Variants in MKNK1 observed in about 807,000 individuals in gnomAD.
MKNK1 encodes MAPK interacting serine/threonine kinase 1.
MKNK1 carries 30 observed loss-of-function variants against 49.3 expected under a neutral mutation model. That is an observed-to-expected ratio of 0.61 (90% CI 0.46 to 0.83). The LOEUF (loss-of-function observed/expected upper bound fraction) is 0.83, where lower values mean the gene tolerates loss of function less well. MKNK1 is among the 40% of genes least tolerant of loss of function. The pLI is 0.00. For missense variants in MKNK1, 423 were observed against 524.7 expected, an observed-to-expected ratio of 0.81 and a Z score of 1.89; for synonymous variants, 176 against 201.7, an observed-to-expected ratio of 0.87 and a Z score of 1.08.
At chr1:46,599,724 C>G (rs939263013) in intron 1 of MKNK1, among the ~76,000 whole-genome samples, 1 of 152,202 alleles carries the variant, frequency 6.6e-6, no homozygotes, top group Non-Finnish European at 1.5e-5. Context: ...AGTTTTGAAC[C>G]AAGCTGTGCC....
At chr1:46,581,147 G>A (rs1671673226) in intron 3 of MKNK1, among the ~76,000 whole-genome samples, 1 of 151,898 alleles carries the variant, frequency 6.6e-6, no homozygotes, top group South Asian at 2.1e-4. Context: ...GAATAAACCA[G>A]GCATTGGTAA....
chr1:46,590,136 C>T (rs961770320), intron 2 of MKNK1, among the ~76,000 whole-genome samples: 8 of 152,142 alleles, frequency 5.3e-5, no homozygotes, highest in Non-Finnish European at 8.8e-5. Flanking sequence ...GCTGCCTTCT[C>T]GGGCATCAGC....
chr1:46,601,353 G>A (rs773679550), intron 1 of MKNK1, among the ~76,000 whole-genome samples: 218 of 152,344 alleles, frequency 1.4e-3, no homozygotes, highest in Non-Finnish European at 2.6e-3. Context: ...TCTTCCACAT[G>A]CTGAGGCTGT....
chr1:46,588,666 G>C (rs1199520453), intron 2 of MKNK1, among the ~76,000 whole-genome samples: 1 of 152,136 alleles, frequency 6.6e-6, no homozygotes, highest in East Asian at 1.9e-4. Context: ...AATTAGCCGG[G>C]CGAGGTGGCG....
chr1:46,561,943 G>C (rs1668057760), intron 10 of MKNK1, among the ~76,000 whole-genome samples: 1 of 152,182 alleles, frequency 6.6e-6, no homozygotes, highest in Non-Finnish European at 1.5e-5. Context: ...AGGACTCTCT[G>C]TGAACCTCTC....
chr1:46,579,838 C>T (rs1671485843), intron 4 of MKNK1, among the ~76,000 whole-genome samples: 1 of 152,194 alleles, frequency 6.6e-6, no homozygotes, highest in Non-Finnish European at 1.5e-5. Context: ...AGCCACTTCT[C>T]CTGCCCCAAA....
intron 1 of MKNK1, among the ~76,000 whole-genome samples, chr1:46,598,344 C>T (rs973283525): frequency 9.2e-5 from 14 of 152,066 alleles, no homozygotes; most frequent in African/African-American, 3.4e-4. Context: ...TTCTAACGAG[C>T]CACTGATTTT....
chr1:46,581,439 G>A (rs571140030), intron 3 of MKNK1, among the ~76,000 whole-genome samples: 1 of 149,130 alleles, frequency 6.7e-6, no homozygotes, highest in South Asian at 2.1e-4. Context: ...GAACCCGAGA[G>A]GCGGAGGTTG....
chr1:46,598,461 A>G (rs1674349041), intron 1 of MKNK1, among the ~76,000 whole-genome samples: 1 of 152,188 alleles, frequency 6.6e-6, no homozygotes, highest in South Asian at 2.1e-4. Context: ...GGAAAGAAAG[A>G]GAAGGTAACA....
intron 3 of MKNK1, 48 bp from the exon 4 acceptor site, chr1:46,580,675 G>T: frequency 7.3e-7 from 1 of 1,363,304 alleles, no homozygotes; most frequent in Non-Finnish European, 1.1e-6. Context: ...TCACCCTACT[G>T]CAAGCTCAGA....
chr1:46,564,466 G>GTTTTTTTTTTTTTTTTTTT lies in MKNK1; in HGVS notation c.609+556_609+574dup, dbSNP rs568296534. Among the ~76,000 whole-genome samples the GTTTTTTTTTTTTTTTTTTT allele has an allele frequency of 2.9e-4, 20 of 70,168 alleles. 2 individuals are homozygous for GTTTTTTTTTTTTTTTTTTT. The highest frequency in any genetic ancestry group is 7.5e-4 in the African/African-American group (11 of 14,666). 46.0% of individuals were successfully genotyped at this position (70,168 alleles called of 152,430 possible). ...GGGCTCAGCCTGTGTTTTTTTTATT[G>GTTTTTTTTTTTTTTTTTTT]TTTTTTTTTTTTTTTTTTTTTTTTT... On this transcript the variant is annotated intron_variant, in intron 9 of 12. Transcript: ENST00000371945.
At chr1:46,568,324 A>G (rs1669456951) in intron 8 of MKNK1, 119 bp downstream of exon 8, 1 of 877,766 alleles carries the variant, frequency 1.1e-6, no homozygotes, top group African/African-American at 1.7e-5. Context: ...CACATGTCCA[A>G]GACGATCAGT....
At chr1:46,585,793 G>A (rs1672471933) in intron 2 of MKNK1, 1 of 717,932 alleles carries the variant, frequency 1.4e-6, no homozygotes, top group South Asian at 1.3e-5. Flanking sequence ...GGAGCCGCTT[G>A]CACGAGAAGC....
At chr1:46,581,080 T>G (rs1671662885) in intron 3 of MKNK1, among the ~76,000 whole-genome samples, 1 of 151,644 alleles carries the variant, frequency 6.6e-6, no homozygotes, top group Admixed American at 6.6e-5. Context: ...GCATGATCCC[T>G]CTCCTCTAAG....
intron 10 of MKNK1, among the ~76,000 whole-genome samples, chr1:46,562,134 G>T (rs182921727): frequency 1.1e-4 from 16 of 152,202 alleles, no homozygotes; most frequent in Non-Finnish European, 2.1e-4. Flanking sequence ...GGTGGCTCAC[G>T]CCTGTAATCC....
At chr1:46,563,768 A>G (rs1004352819) in intron 9 of MKNK1, among the ~76,000 whole-genome samples, 9 of 152,212 alleles carry the variant, frequency 5.9e-5, no homozygotes, top group Non-Finnish European at 1.5e-5. Flanking sequence ...ATTAGGGGCC[A>G]GGCGTGGTGG....
intron 3 of MKNK1, chr1:46,582,775 A>C: frequency 2.3e-6 from 1 of 438,664 alleles, no homozygotes; most frequent in South Asian, 1.6e-5. Context: ...CACACACAGC[A>C]TAAGTAGCTA....
intron 2 of MKNK1, among the ~76,000 whole-genome samples, chr1:46,593,238 A>G (rs1200307171): frequency 6.6e-6 from 1 of 152,188 alleles, no homozygotes; most frequent in Non-Finnish European, 1.5e-5. Context: ...TCGCTCTGTC[A>G]TCCAGGCTGG....
In MKNK1 at chr1:46,562,657, C is replaced by A; in HGVS notation, c.796G>T (p.Val266Leu). 1 of 1,552,952 alleles carries A rather than the reference C, an allele frequency of 6.4e-7. No individual in the cohort carries two copies. ...CCTGGGGCCGCACTCACCTGGCACA[C>A]CCTGCAGACCTCGCCCCGGTCCCAG... ...CGWDRGEVCR[V>L]CQNKLFESIQ... The change falls in exon 10 of 13, where the codon GTG (valine) becomes TTG (leucine). Residue 266 changes from valine to leucine, a missense_variant. Physicochemically the swap from Val to Leu is conservative, Grantham distance 32. Coordinates refer to ENST00000371945, the MANE Select transcript of MKNK1 (RefSeq NM_001135553.4).
Sources: gnomAD v4.1 joint callset for allele counts (sites outside exome capture counted in the v4.1 genomes callset) on GRCh38, gnomAD v4.1.1 for gene constraint, MANE v1.5 for transcripts, NCBI Gene and HGNC (gene_info 2026-07-23, HGNC 2026-07-21) for gene names.